SMURF2: variants seen among roughly 807,000 people sequenced by gnomAD.
SMURF2 encodes the protein SMAD specific E3 ubiquitin protein ligase 2.
Under a neutral mutation model 109.6 loss-of-function variants are expected in SMURF2, and 48 were observed. The ratio of observed to expected loss-of-function variants is 0.44; its 90% CI spans 0.35 to 0.56. The LOEUF is 0.56. Ranked by LOEUF, SMURF2 falls within the 20% of genes least tolerant of loss-of-function variation. The pLI, the probability that SMURF2 is intolerant of heterozygous loss-of-function variation, is 0.01. For missense variants in SMURF2, 575 were observed against 909.0 expected (o/e 0.63, Z 4.72); for synonymous variants, 288 against 317.1 (o/e 0.91, Z 0.97).
chr17:64,596,735 TC>T (rs1969824705), intron 3 of SMURF2, among the ~76,000 whole-genome samples: 1 of 151,358 alleles, frequency 6.6e-6, no homozygotes, highest in African/African-American at 2.4e-5. Flanking sequence ...GAACACAGAC[TC>T]CCAGGAGGGT....
intron 6 of SMURF2, among the ~76,000 whole-genome samples, chr17:64,583,883 G>GAGGTCTCTTGACTTCGTGATCC (rs1969610016): frequency 6.7e-6 from 1 of 149,182 alleles, no homozygotes; most frequent in Non-Finnish European, 1.5e-5. Flanking sequence ...ATAAAATCAC[G>GAGGTCTCTTGACTTCGTGATCC]AGGTCTCTTG....
At chr17:64,560,391 G>A (rs572897925) in intron 12 of SMURF2, among the ~76,000 whole-genome samples, 2 of 151,922 alleles carry the variant, frequency 1.3e-5, no homozygotes, top group East Asian at 3.9e-4. Context: ...GATGTACAAG[G>A]GATTATTTTT....
intron 1 of SMURF2, among the ~76,000 whole-genome samples, chr17:64,624,342 AT>A (rs1215712418): frequency 3.0e-5 from 4 of 134,962 alleles, no homozygotes; most frequent in African/African-American, 8.3e-5. Context: ...ATAAAAAAAA[AT>A]TTTTTTTTGA....
intron 10 of SMURF2, among the ~76,000 whole-genome samples, chr17:64,566,479 G>A (rs1969303164): frequency 1.3e-5 from 2 of 150,102 alleles, no homozygotes; most frequent in Middle Eastern, 3.4e-3. Context: ...CTAGTAGCTG[G>A]AGTTGTGAAA....
chr17:64,602,658 G>A (rs1164796907), intron 2 of SMURF2, among the ~76,000 whole-genome samples: 1 of 152,222 alleles, frequency 6.6e-6, no homozygotes, highest in Non-Finnish European at 1.5e-5. Flanking sequence ...GCCAGGCACA[G>A]TGGCTCACGC....
At chr17:64,578,630 GAC>G (rs1969533277) in intron 8 of SMURF2, 54 bp from the exon 9 acceptor site, 1 of 1,195,156 alleles carries the variant, frequency 8.4e-7, no homozygotes, top group Non-Finnish European at 1.2e-6. Context: ...CCAGATCAAA[GAC>G]AGTTATATAC....
rs375848393 is a variant in SMURF2, at chr17:64,572,208, T to C, written c.858-252A>G. Reference sequence around the variant, plus strand: ...AGTAATTTCCTAGGCTTTAATGTAATACAGATTTAAATTAATATAAAATCA... The same window carrying C: ...AGTAATTTCCTAGGCTTTAATGTAACACAGATTTAAATTAATATAAAATCA... On this transcript the variant is annotated intron_variant, in intron 9 of 18. Transcript: ENST00000262435. 1.3e-4 allele frequency among the ~76,000 whole-genome samples: 20 copies of C among 152,336 alleles called. No homozygotes were observed. The East Asian group carries it at 1.3e-3, about 10-fold the overall frequency.
chr17:64,650,253 T>C (rs1970618454), intron 1 of SMURF2, among the ~76,000 whole-genome samples: 1 of 149,436 alleles, frequency 6.7e-6, no homozygotes, highest in African/African-American at 2.5e-5. Context: ...CCCAGGCTGG[T>C]CTCGAACTCC....
At chr17:64,647,884 T>C (rs1275016502) in intron 1 of SMURF2, among the ~76,000 whole-genome samples, 2 of 150,274 alleles carry the variant, frequency 1.3e-5, no homozygotes, top group Non-Finnish European at 3.0e-5. Flanking sequence ...TGAGACCCAG[T>C]CCTTAAAAAC....
At chr17:64,618,009 A>C (rs1185600908) in intron 1 of SMURF2, among the ~76,000 whole-genome samples, 1 of 152,240 alleles carries the variant, frequency 6.6e-6, no homozygotes, top group East Asian at 1.9e-4. Context: ...AAAGAAATCT[A>C]GTCAGAATTA....
chr17:64,553,097 G>A (rs1159413101), intron 15 of SMURF2, among the ~76,000 whole-genome samples: 7 of 152,044 alleles, frequency 4.6e-5, no homozygotes, highest in African/African-American at 1.7e-4. Flanking sequence ...AGTAAAATAT[G>A]AAAGTCCATT....
intron 1 of SMURF2, among the ~76,000 whole-genome samples, chr17:64,613,590 G>A (rs1336478577): frequency 1.3e-5 from 2 of 151,838 alleles, no homozygotes; most frequent in African/African-American, 4.8e-5. Flanking sequence ...AGGCTATGGG[G>A]TACAGACTTT....
intron 1 of SMURF2, among the ~76,000 whole-genome samples, chr17:64,631,279 GGGGAGAGAGAGAGAGAGAGA>G (rs1970339269): frequency 1.3e-4 from 1 of 7,454 alleles, no homozygotes; most frequent in African/African-American, 5.1e-4. Context: ...AGAGGGGGGG[GGGGAGAGAGAGAGAGAGAGA>G]GAGAGAGAGA....
chr17:64,568,611 A>G (rs1969350322), intron 10 of SMURF2, among the ~76,000 whole-genome samples: 1 of 152,206 alleles, frequency 6.6e-6, no homozygotes, highest in South Asian at 2.1e-4. Flanking sequence ...AACAATTAAG[A>G]TACAAAAGTA....
intron 1 of SMURF2, among the ~76,000 whole-genome samples, chr17:64,633,120 A>T (rs1970371517): frequency 6.6e-6 from 1 of 152,174 alleles, no homozygotes; most frequent in African/African-American, 2.4e-5. Flanking sequence ...AAACACAAAA[A>T]TTAGCCAGGC....
At chr17:64,584,601 C>A (rs1462074032) in intron 6 of SMURF2, among the ~76,000 whole-genome samples, 1 of 151,970 alleles carries the variant, frequency 6.6e-6, no homozygotes, top group African/African-American at 2.4e-5. Flanking sequence ...ATGTAGTCCT[C>A]CCGCCTCAGC....
At chr17:64,578,724 A>C (rs995657448) in intron 8 of SMURF2, 148 bp from the exon 9 acceptor site, 6 of 597,514 alleles carry the variant, frequency 1.0e-5, no homozygotes, top group Admixed American at 6.5e-5. Flanking sequence ...TTTACAAATC[A>C]TTTGTTCTGT....
In SMURF2 at chr17:64,571,954, T is replaced by C; in HGVS notation, c.860A>G (p.Asp287Gly). Residue 287 changes from aspartate to glycine, a missense_variant and splice_region_variant, in exon 10 of 19, where the codon GAT (aspartate) becomes GGT (glycine). Asp to Gly is a moderately conservative substitution (Grantham distance 94). Transcript: ENST00000262435. ...CTCTTCACAATTGATGTTGCTAAGA[T>C]CCCTGCAAAAACAAATATAAAATAA... ...STWHDPRVPR[D>G]LSNINCEELG... The C allele has an allele frequency of 6.2e-7, 1 of 1,604,254 alleles. No individual in the cohort carries two copies. Among genetic ancestry groups the C allele is most frequent in the Non-Finnish European group, 8.5e-7 (1 of 1,176,390 alleles).
At chr17:64,633,340 T>C (rs1047294502) in intron 1 of SMURF2, among the ~76,000 whole-genome samples, 2 of 152,108 alleles carry the variant, frequency 1.3e-5, no homozygotes, top group Non-Finnish European at 2.9e-5. Flanking sequence ...TGGGAGTCAA[T>C]CAGGGTCCCT....
Sources: gnomAD v4.1 joint callset for allele counts (sites outside exome capture counted in the v4.1 genomes callset) on GRCh38, gnomAD v4.1.1 for gene constraint, MANE v1.5 for transcripts, NCBI Gene and HGNC (gene_info 2026-07-23, HGNC 2026-07-21) for gene names.